The following NPNT variants were observed in gnomAD, a reference collection of about 807,000 sequenced individuals.
The protein encoded by NPNT is preosteoblast EGF-like repeat protein with MAM domain.
Under a neutral mutation model 68.6 loss-of-function variants are expected in NPNT, and 45 were observed. The observed-to-expected ratio is 0.66, with a 90% CI of 0.52 to 0.84. NPNT has a LOEUF of 0.84. Ranked by LOEUF, NPNT falls within the 40% of genes least tolerant of loss-of-function variation. The pLI is 0.00. For missense variants in NPNT, 672 were observed against 714.8 expected, an observed-to-expected ratio of 0.94 and a Z score of 0.68; for synonymous variants, 233 against 253.3, an observed-to-expected ratio of 0.92 and a Z score of 0.76.
chr4:105,936,945 T>G, intron 3 of NPNT, 64 bp from the exon 4 acceptor site: 1 of 1,511,570 alleles, frequency 6.6e-7, no homozygotes, highest in South Asian at 1.3e-5. Flanking sequence ...GAAAAGAATT[T>G]TAGATGGCTT....
intron 2 of NPNT, among the ~76,000 whole-genome samples, chr4:105,905,153 C>A (rs550031087): frequency 6.6e-6 from 1 of 151,674 alleles, no homozygotes; most frequent in African/African-American, 2.4e-5. Context: ...TTGGGGACAC[C>A]GTTTATGATA....
chr4:105,927,352 A>G lies in NPNT; in HGVS notation c.189A>G (p.Arg63=). ...WGQCQPVCQP[R]CKHGECIGPN... is the part of the protein sequence containing the mutation. ...TTTTCACAGCTGTGTGCCAACCACG[A>G]TGCAAACATGGTGAATGTATCGGGC... Residue 63 remains arginine (R), a synonymous_variant, in exon 3 of 12, where the codon CGA becomes CGG. Coordinates refer to ENST00000379987, the MANE Select transcript of NPNT (RefSeq NM_001033047.3). The G allele has an allele frequency of 6.2e-7, 1 of 1,612,038 alleles. No homozygotes were observed.
chr4:105,940,409 A>G lies in NPNT; in HGVS notation c.641-105A>G, dbSNP rs185406235. The G allele has an allele frequency of 1.6e-5, 19 of 1,173,582 alleles. 1 individual carries two copies. The Admixed American group carries it at 3.2e-4, about 20-fold the overall frequency. 72.7% of individuals were successfully genotyped at this position (1,173,582 alleles called of 1,614,324 possible). On this transcript the variant is annotated intron_variant, in intron 6 of 11. Coordinates refer to ENST00000379987, the MANE Select transcript of NPNT (RefSeq NM_001033047.3). ...CTGTTTATCTGCCAATATTATGTAG[A>G]TCATCACATTGCCAAAAAAAATCAT...
At chr4:105,949,818 A>T (rs57745779) in intron 8 of NPNT, among the ~76,000 whole-genome samples, 1 of 152,242 alleles carries the variant, frequency 6.6e-6, no homozygotes, top group Non-Finnish European at 1.5e-5. Context: ...TTTGACTCCA[A>T]TTAGATATAA....
chr4:105,953,121 G>C (rs573518032), intron 8 of NPNT, among the ~76,000 whole-genome samples: 1 of 152,126 alleles, frequency 6.6e-6, no homozygotes, highest in Non-Finnish European at 1.5e-5. Context: ...AGCCAAGATC[G>C]TGCCTCTGCA....
intron 10 of NPNT, among the ~76,000 whole-genome samples, chr4:105,963,229 A>T (rs963873638): frequency 5.3e-5 from 8 of 151,984 alleles, no homozygotes; most frequent in Non-Finnish European, 8.8e-5. Flanking sequence ...CGTCAAAAAA[A>T]AATAATAAAT....
At position 105,942,414 on chromosome 4, in the gene NPNT, G is replaced by A. The variant is rs572463887; in HGVS notation, c.871G>A (p.Gly291Arg). 6.2e-7 allele frequency: 1 copy of A among 1,613,762 alleles called. No homozygotes were observed. Among genetic ancestry groups the A allele is most frequent in the South Asian group, 1.1e-5 (1 of 91,072 alleles). Reference protein sequence around the residue: ...TGNNNWIPDVGSTWWPPKTPY... With the variant: ...TGNNNWIPDVRSTWWPPKTPY... ...AAATAATAATTGGATTCCTGATGTT[G>A]GAAGTACTTGGTGGCCTCCGAAGAC... The change falls in exon 8 of 12, where the codon GGA becomes AGA. Residue 291 changes from glycine (G) to arginine (R), a missense_variant. Coordinates refer to ENST00000379987, the MANE Select transcript of NPNT (RefSeq NM_001033047.3).
chr4:105,962,784 G>A (rs1731821826), intron 10 of NPNT, among the ~76,000 whole-genome samples: 1 of 151,968 alleles, frequency 6.6e-6, no homozygotes. Context: ...AGCACTGATG[G>A]GAAAATACTA....
intron 3 of NPNT, among the ~76,000 whole-genome samples, chr4:105,933,533 TTAA>T (rs960631988): frequency 1.3e-5 from 2 of 152,220 alleles, no homozygotes; most frequent in African/African-American, 2.4e-5. Flanking sequence ...ATTTCGGTCC[TTAA>T]TAATTAAAAA....
At chr4:105,937,867 T>C (rs1436231450) in intron 4 of NPNT, among the ~76,000 whole-genome samples, 1 of 152,230 alleles carries the variant, frequency 6.6e-6, no homozygotes, top group Non-Finnish European at 1.5e-5. Flanking sequence ...TAAAGTTAGC[T>C]AATTTTATTT....
chr4:105,951,370 A>G (rs748533672), intron 8 of NPNT, among the ~76,000 whole-genome samples: 2 of 152,056 alleles, frequency 1.3e-5, no homozygotes, highest in Non-Finnish European at 2.9e-5. Flanking sequence ...GTAAGAAGAA[A>G]ATTGTTTTCT....
At position 105,971,230 on chromosome 4, in the gene NPNT, C is replaced by T. The variant is rs776885701; in HGVS notation, c.*2240C>T. ...AGTGCCCTGCCCCACACCGGCAGAC[C>T]TTTCCTTCACCTCATCAGTATGATT... On this transcript the variant is annotated 3_prime_UTR_variant, in exon 12 of 12. Transcript: ENST00000379987. 57 of 446,812 alleles carry T rather than the reference C, an allele frequency of 1.3e-4. No individual in the cohort carries two copies. The highest frequency in any genetic ancestry group is 2.5e-4 in the Non-Finnish European group (55 of 221,504). The allele number at this position is 446,812 out of a possible 1,614,324, so 27.7% of individuals were successfully genotyped here. A position where few individuals can be genotyped will look rare whatever the true frequency, so the allele number is the denominator to read the frequency against.
chr4:105,900,732 A>G (rs1485931479), intron 2 of NPNT, among the ~76,000 whole-genome samples: 2 of 151,756 alleles, frequency 1.3e-5, no homozygotes, highest in Non-Finnish European at 2.9e-5. Context: ...GTACCACCCA[A>G]CATTCTATCC....
At chr4:105,904,981 C>A (rs994752447) in intron 2 of NPNT, among the ~76,000 whole-genome samples, 1 of 151,996 alleles carries the variant, frequency 6.6e-6, no homozygotes, top group Non-Finnish European at 1.5e-5. Flanking sequence ...GGTAATCCAC[C>A]CACCTTGGTC....
rs1311729446 is a variant in NPNT, at chr4:105,970,653, T to C, written c.*1663T>C. The C allele has an allele frequency of 1.7e-6, 1 of 596,476 alleles. No homozygotes were observed. The highest frequency in any genetic ancestry group is 3.1e-6 in the Non-Finnish European group (1 of 322,948). 36.9% of individuals were successfully genotyped at this position (596,476 alleles called of 1,614,324 possible). ...AGAATACTTCATAAAAAAAGAAGTGTGAAAATCTCAGTATCTCTCTCTCTT... is the reference window on the plus strand; with the variant it reads ...AGAATACTTCATAAAAAAAGAAGTGCGAAAATCTCAGTATCTCTCTCTCTT... On this transcript the variant is annotated 3_prime_UTR_variant, in exon 12 of 12. Transcript: ENST00000379987.
chr4:105,967,104 A>T lies in NPNT; in HGVS notation c.1346-84A>T, dbSNP rs542875930. 5.9e-5 allele frequency: 83 copies of T among 1,395,474 alleles called. No individual in the cohort carries two copies. The East Asian group carries it at 2.0e-3, about 33-fold the overall frequency. 86.4% of individuals were successfully genotyped at this position (1,395,474 alleles called of 1,614,324 possible). The stretch of plus-strand genomic sequence containing the variant: ...TTCTTTACAAAGAAAAGAAAAAAAA[A>T]AAAAAACTAAAACTCCTGTCCATGC... On this transcript the variant is annotated intron_variant, in intron 10 of 11. Transcript: ENST00000379987.
At position 105,969,190 on chromosome 4, in the gene NPNT, G is replaced by A; in HGVS notation, c.*200G>A. 2.1e-6 allele frequency: 1 copy of A among 466,942 alleles called. No homozygotes were observed. Among genetic ancestry groups the A allele is most frequent in the Non-Finnish European group, 3.8e-6 (1 of 260,090 alleles). The allele number at this position is 466,942 out of a possible 1,614,324, so 28.9% of individuals were successfully genotyped here. A position where few individuals can be genotyped will look rare whatever the true frequency, so the allele number is the denominator to read the frequency against. On this transcript the variant is annotated 3_prime_UTR_variant, in exon 12 of 12. Coordinates refer to ENST00000379987, the MANE Select transcript of NPNT (RefSeq NM_001033047.3). ...ACAGTGATACCCTCCTTGAAATACA[G>A]GGGCATCGCAGACACATCAAAGCCA...
At chr4:105,952,633 C>T (rs958182169) in intron 8 of NPNT, among the ~76,000 whole-genome samples, 7 of 152,210 alleles carry the variant, frequency 4.6e-5, no homozygotes, top group African/African-American at 1.7e-4. Context: ...TAGAAATCTA[C>T]ATCATAAATA....
At chr4:105,940,388 T>C in intron 6 of NPNT, 126 bp from the exon 7 acceptor site, 1 of 1,087,750 alleles carries the variant, frequency 9.2e-7, no homozygotes, top group Non-Finnish European at 1.3e-6. Context: ...TTTCTTCTGT[T>C]TATCTGCCAA....
Sources: gnomAD v4.1 joint callset for allele counts (sites outside exome capture counted in the v4.1 genomes callset) on GRCh38, gnomAD v4.1.1 for gene constraint, MANE v1.5 for transcripts, NCBI Gene and HGNC (gene_info 2026-07-23, HGNC 2026-07-21) for gene names.